The following CACHD1 variants were observed in gnomAD, a reference collection of about 807,000 sequenced individuals.
CACHD1 encodes the protein cache domain containing 1.
A neutral mutation model predicts 138.7 loss-of-function variants in CACHD1; 71 were observed. The observed-to-expected ratio is 0.51, with a 90% CI of 0.42 to 0.62. The LOEUF is 0.62. Ranked by LOEUF, CACHD1 falls within the 20% of genes least tolerant of loss-of-function variation. The pLI, the probability that CACHD1 is intolerant of heterozygous loss-of-function variation, is 0.00. For synonymous variants in CACHD1, 578 were observed against 591.5 expected (o/e 0.98, Z 0.33); for missense variants, 1,389 against 1,625.3 (o/e 0.85, Z 2.50).
chr1:64,626,477 T>G (rs1371589182), intron 4 of CACHD1, among the ~76,000 whole-genome samples: 1 of 152,232 alleles, frequency 6.6e-6, no homozygotes, highest in African/African-American at 2.4e-5. Context: ...ATATTGTCAC[T>G]CCGCACTCTA....
At chr1:64,568,899 A>G (rs753597809) in intron 2 of CACHD1, among the ~76,000 whole-genome samples, 1 of 152,018 alleles carries the variant, frequency 6.6e-6, no homozygotes, top group Non-Finnish European at 1.5e-5. Flanking sequence ...TACTCTTTGT[A>G]TGTACAGTTT....
intron 1 of CACHD1, among the ~76,000 whole-genome samples, chr1:64,481,394 G>GA (rs1448711509): frequency 6.6e-6 from 1 of 152,186 alleles, no homozygotes; most frequent in African/African-American, 2.4e-5. Context: ...GCAAACCAGT[G>GA]AAAATGAATC....
At chr1:64,667,176 A>C (rs978976073) in intron 16 of CACHD1, among the ~76,000 whole-genome samples, 1 of 152,172 alleles carries the variant, frequency 6.6e-6, no homozygotes, top group Non-Finnish European at 1.5e-5. Flanking sequence ...TAATCCCTTC[A>C]TTATACAAAT....
chr1:64,515,198 A>G (rs1421517222), intron 1 of CACHD1, among the ~76,000 whole-genome samples: 3 of 152,242 alleles, frequency 2.0e-5, no homozygotes, highest in African/African-American at 4.8e-5. Context: ...CCGAATCCCC[A>G]TTAATACTAA....
intron 4 of CACHD1, among the ~76,000 whole-genome samples, chr1:64,612,280 T>C (rs886701806): frequency 1.3e-5 from 2 of 152,244 alleles, no homozygotes; most frequent in Non-Finnish European, 2.9e-5. Context: ...TAGAAGTTTT[T>C]TTATAGGATT....
At chr1:64,519,561 C>CA (rs777823717) in intron 1 of CACHD1, among the ~76,000 whole-genome samples, 219 of 151,526 alleles carry the variant, frequency 1.4e-3, no homozygotes, top group Middle Eastern at 6.8e-3. Context: ...TTCCTTCCAG[C>CA]AAAAAAAATA....
Position 64,663,785 on chromosome 1 carries a change from A to C in CACHD1, c.2042A>C (p.Tyr681Ser). 1 of 1,614,134 alleles carries C rather than the reference A, an allele frequency of 6.2e-7. No homozygotes were observed. Among genetic ancestry groups the C allele is most frequent in the East Asian group, 2.2e-5 (1 of 44,866 alleles). ...QPETKRMVEHYTAYLSDNTRL... is the reference protein window; with the variant it reads ...QPETKRMVEHSTAYLSDNTRL... Reference sequence around the variant, plus strand: ...GAGACAAAGCGCATGGTAGAGCACTACACCGCCTATCTCAGCGACAACACC... The same window carrying C: ...GAGACAAAGCGCATGGTAGAGCACTCCACCGCCTATCTCAGCGACAACACC... The change falls in exon 14 of 27, where the codon TAC becomes TCC. Residue 681 changes from tyrosine to serine, a missense_variant. Tyr to Ser is a moderately radical substitution (Grantham distance 144). Around this residue, in one of 5 missense-constraint regions of CACHD1, gnomAD observed 1,000 missense variants for 1,114.7 expected, o/e 0.90. Transcript: ENST00000651257.
At chr1:64,597,772 G>C (rs185329546) in intron 3 of CACHD1, among the ~76,000 whole-genome samples, 1 of 152,150 alleles carries the variant, frequency 6.6e-6, no homozygotes, top group Admixed American at 6.5e-5. Context: ...CATTTTGTAT[G>C]AAAATCTATG....
At chr1:64,630,240 CT>C in intron 5 of CACHD1, among the ~76,000 whole-genome samples, 1 of 151,920 alleles carries the variant, frequency 6.6e-6, no homozygotes, top group Admixed American at 6.6e-5. Flanking sequence ...TTCATCTTCA[CT>C]TTAAATTTTA....
At chr1:64,584,251 T>A (rs1647033617) in intron 3 of CACHD1, among the ~76,000 whole-genome samples, 1 of 152,022 alleles carries the variant, frequency 6.6e-6, no homozygotes, top group African/African-American at 2.4e-5. Flanking sequence ...GTGAGTAGAG[T>A]CCAGGGATAC....
chr1:64,610,671 C>T (rs1394267059), intron 4 of CACHD1, among the ~76,000 whole-genome samples: 5 of 152,228 alleles, frequency 3.3e-5, no homozygotes, highest in Non-Finnish European at 7.3e-5. Flanking sequence ...AAGCCCACCT[C>T]CTGGCTCCTA....
At position 64,673,554 on chromosome 1, in the gene CACHD1, C is replaced by T. The variant is rs1464898882; in HGVS notation, c.2727+90C>T. Reference sequence around the variant, plus strand: ...CATGGCTAGTGTCTGAATATTATTCCTACCTGTTTCATCGCCTTAGAACTA... The same window carrying T: ...CATGGCTAGTGTCTGAATATTATTCTTACCTGTTTCATCGCCTTAGAACTA... On this transcript the variant is annotated intron_variant, in intron 19 of 26. Transcript: ENST00000651257. The T allele has an allele frequency of 1.5e-5, 16 of 1,051,894 alleles. No individual in the cohort carries two copies. In the Middle Eastern group the frequency reaches 6.1e-4, roughly 40 times the overall value. 65.2% of individuals were successfully genotyped at this position (1,051,894 alleles called of 1,614,324 possible). A position where few individuals can be genotyped will look rare whatever the true frequency, so the allele number is the denominator to read the frequency against.
At chr1:64,595,536 C>T (rs1647143147) in intron 3 of CACHD1, among the ~76,000 whole-genome samples, 1 of 152,156 alleles carries the variant, frequency 6.6e-6, no homozygotes, top group Non-Finnish European at 1.5e-5. Context: ...CCCCACCAAG[C>T]TGCTCTCCCC....
chr1:64,475,692 G>T (rs549144208), intron 1 of CACHD1, among the ~76,000 whole-genome samples: 1 of 152,030 alleles, frequency 6.6e-6, no homozygotes, highest in Admixed American at 6.6e-5. Flanking sequence ...GTCTACAGAC[G>T]CCTGCCACGA....
chr1:64,644,302 T>C (rs1328170174), intron 8 of CACHD1, among the ~76,000 whole-genome samples: 1 of 152,260 alleles, frequency 6.6e-6, no homozygotes, highest in Non-Finnish European at 1.5e-5. Flanking sequence ...ACCTACCATG[T>C]ACAACACAGG....
At chr1:64,544,678 C>T (rs959136458) in intron 1 of CACHD1, among the ~76,000 whole-genome samples, 10 of 150,802 alleles carry the variant, frequency 6.6e-5, no homozygotes, top group Non-Finnish European at 1.2e-4. Context: ...GAACTGTATT[C>T]AACTGTTATT....
chr1:64,639,460 T>A (rs1284851259), intron 7 of CACHD1, among the ~76,000 whole-genome samples: 2 of 152,220 alleles, frequency 1.3e-5, no homozygotes, highest in African/African-American at 4.8e-5. Flanking sequence ...CACTTCCTAA[T>A]CTCTGATAAC....
intron 1 of CACHD1, among the ~76,000 whole-genome samples, chr1:64,495,303 C>A (rs763551061): frequency 6.6e-6 from 1 of 152,056 alleles, no homozygotes; most frequent in South Asian, 2.1e-4. Flanking sequence ...GGAAAGAAAA[C>A]CTGAGGATAG....
chr1:64,471,509 G>A (rs1646144293), intron 1 of CACHD1, among the ~76,000 whole-genome samples: 1 of 152,222 alleles, frequency 6.6e-6, no homozygotes, highest in African/African-American at 2.4e-5. Flanking sequence ...CTAGGTCCCG[G>A]CGGAGAGCGG....
Sources: allele counts gnomAD v4.1 joint callset (sites outside exome capture counted in the v4.1 genomes callset), GRCh38; gene constraint gnomAD v4.1.1; regional missense constraint gnomAD v4.1.1; transcripts MANE v1.5; gene names NCBI Gene and HGNC (gene_info 2026-07-23, HGNC 2026-07-21).